The following ARHGEF28 variants were observed in gnomAD, a reference collection of about 807,000 sequenced individuals.
The protein encoded by ARHGEF28 is 190 kDa guanine nucleotide exchange factor.
A neutral mutation model predicts 206.6 loss-of-function variants in ARHGEF28; 152 were observed. That is an observed-to-expected ratio of 0.74 (90% CI 0.64 to 0.84). The LOEUF is 0.84. Among genes scored for constraint, ARHGEF28 ranks in the 40% least tolerant of loss-of-function variants. ARHGEF28 has a pLI of 0.00. For missense variants in ARHGEF28, 2,028 were observed against 2,073.2 expected, an observed-to-expected ratio of 0.98 and a Z score of 0.42; for synonymous variants, 763 against 776.4, an observed-to-expected ratio of 0.98 and a Z score of 0.29.
chr5:73,815,549 A>G (rs866329569), intron 9 of ARHGEF28, among the ~76,000 whole-genome samples: 18 of 152,206 alleles, frequency 1.2e-4, no homozygotes, highest in Admixed American at 1.3e-4. Flanking sequence ...TCTCTGTGTC[A>G]ATTCTAACCC....
In ARHGEF28 at chr5:73,894,389, A is replaced by G; in HGVS notation, c.3659-4A>G. ...AATCTTCTATGGTAAATACTATTTCATAGAAATACTCACTAACCAAGACCA... is the reference window on the plus strand; with the variant it reads ...AATCTTCTATGGTAAATACTATTTCGTAGAAATACTCACTAACCAAGACCA... On this transcript the variant is annotated splice_polypyrimidine_tract_variant and splice_region_variant and intron_variant, in intron 28 of 35. Coordinates refer to ENST00000513042, the MANE Select transcript of ARHGEF28 (RefSeq NM_001177693.2). 6.3e-7 allele frequency: 1 copy of G among 1,599,024 alleles called. No homozygotes were observed. Among genetic ancestry groups the G allele is most frequent in the Non-Finnish European group, 8.5e-7 (1 of 1,169,794 alleles).
intron 20 of ARHGEF28, among the ~76,000 whole-genome samples, chr5:73,869,642 C>A (rs1580011512): frequency 6.6e-6 from 1 of 152,280 alleles, no homozygotes; most frequent in South Asian, 2.1e-4. Flanking sequence ...CACGGTGGCT[C>A]AGGCCTGTAA....
chr5:73,728,343 C>T (rs1051967790), intron 2 of ARHGEF28, among the ~76,000 whole-genome samples: 1 of 152,176 alleles, frequency 6.6e-6, no homozygotes, highest in African/African-American at 2.4e-5. Flanking sequence ...CAACTGGTGG[C>T]TTCCCTTTGT....
At chr5:73,759,013 C>G (rs969743843) in intron 4 of ARHGEF28, among the ~76,000 whole-genome samples, 7 of 152,184 alleles carry the variant, frequency 4.6e-5, no homozygotes, top group African/African-American at 1.4e-4. Flanking sequence ...TTTTGGAACT[C>G]TTCTATAGGA....
intron 1 of ARHGEF28, among the ~76,000 whole-genome samples, chr5:73,673,273 T>G (rs1476588618): frequency 6.6e-6 from 1 of 152,212 alleles, no homozygotes; most frequent in Non-Finnish European, 1.5e-5. Context: ...AATGCAATTA[T>G]AAGCCTACAT....
At chr5:73,885,795 G>T in intron 24 of ARHGEF28, 55 bp from the exon 25 acceptor site, 3 of 1,515,356 alleles carry the variant, frequency 2.0e-6, no homozygotes, top group Non-Finnish European at 2.7e-6. Context: ...TTCTTCCTTA[G>T]TACTCTGGTT....
At chr5:73,688,696 C>T (rs568040470) in intron 2 of ARHGEF28, among the ~76,000 whole-genome samples, 37 of 152,180 alleles carry the variant, frequency 2.4e-4, no homozygotes, top group African/African-American at 8.7e-4. Flanking sequence ...CTCACTCTGT[C>T]TCCAGGCTGG....
chr5:73,668,699 A>G (rs1411509046), intron 1 of ARHGEF28, among the ~76,000 whole-genome samples: 2 of 134,786 alleles, frequency 1.5e-5, no homozygotes, highest in Non-Finnish European at 3.2e-5. Flanking sequence ...AAATGCAGAC[A>G]AAAGAGAGAG....
At chr5:73,924,260 T>C (rs1434804590) in intron 35 of ARHGEF28, among the ~76,000 whole-genome samples, 2 of 152,228 alleles carry the variant, frequency 1.3e-5, no homozygotes, top group Admixed American at 1.3e-4. Flanking sequence ...ACAATGGAGA[T>C]GACAGGCTGG....
chr5:73,842,723 A>G (rs1758060416), intron 11 of ARHGEF28, among the ~76,000 whole-genome samples: 1 of 152,206 alleles, frequency 6.6e-6, no homozygotes, highest in African/African-American at 2.4e-5. Context: ...TCACACCTGC[A>G]ATCCCCGTAC....
chr5:73,834,350 A>C (rs1757475813), intron 10 of ARHGEF28, among the ~76,000 whole-genome samples: 1 of 152,122 alleles, frequency 6.6e-6, no homozygotes, highest in African/African-American at 2.4e-5. Context: ...CCCACCCTCC[A>C]ACCCCTAGTA....
At chr5:73,877,397 A>G (rs1375212988) in intron 22 of ARHGEF28, among the ~76,000 whole-genome samples, 1 of 149,358 alleles carries the variant, frequency 6.7e-6, no homozygotes, top group African/African-American at 2.5e-5. Flanking sequence ...AATTTTTTGA[A>G]GGGTTTTTTG....
At chr5:73,884,735 G>A (rs879563449) in intron 24 of ARHGEF28, among the ~76,000 whole-genome samples, 1 of 150,326 alleles carries the variant, frequency 6.7e-6, no homozygotes, top group Non-Finnish European at 1.5e-5. Context: ...TTCAGTTCCA[G>A]TTGCCTTAAT....
At chr5:73,631,729 CCAGTT>C (rs1743376713) in intron 1 of ARHGEF28, among the ~76,000 whole-genome samples, 2 of 152,186 alleles carry the variant, frequency 1.3e-5, no homozygotes, top group Non-Finnish European at 2.9e-5. Flanking sequence ...TGTGAACTCT[CCAGTT>C]CTGTTAGCCA....
chr5:73,926,779 A>T (rs748594497), intron 35 of ARHGEF28, among the ~76,000 whole-genome samples: 1 of 152,218 alleles, frequency 6.6e-6, no homozygotes, highest in African/African-American at 2.4e-5. Flanking sequence ...GACAATGTTC[A>T]TTAGCCACTT....
intron 6 of ARHGEF28, among the ~76,000 whole-genome samples, chr5:73,778,776 C>A (rs1225467632): frequency 6.6e-6 from 1 of 152,112 alleles, no homozygotes; most frequent in Non-Finnish European, 1.5e-5. Context: ...TATAGGTTGT[C>A]CACACTGAAG....
At chr5:73,885,306 C>T (rs1374757615) in intron 24 of ARHGEF28, among the ~76,000 whole-genome samples, 1 of 152,000 alleles carries the variant, frequency 6.6e-6, no homozygotes, top group Non-Finnish European at 1.5e-5. Flanking sequence ...TAACACATTT[C>T]CTGCCCTAGG....
At chr5:73,830,548 A>G (rs1420852249) in intron 9 of ARHGEF28, among the ~76,000 whole-genome samples, 2 of 126,762 alleles carry the variant, frequency 1.6e-5, no homozygotes, top group Non-Finnish European at 3.3e-5. Flanking sequence ...GCGAAACTCC[A>G]TCTCAAAAAA....
intron 1 of ARHGEF28, among the ~76,000 whole-genome samples, chr5:73,654,998 T>C (rs1745094050): frequency 6.6e-6 from 1 of 152,216 alleles, no homozygotes; most frequent in Non-Finnish European, 1.5e-5. Context: ...AATACTAATG[T>C]AAAATCTCAT....
Sources: gnomAD v4.1 joint callset for allele counts (sites outside exome capture counted in the v4.1 genomes callset) on GRCh38, gnomAD v4.1.1 for gene constraint, MANE v1.5 for transcripts, NCBI Gene and HGNC (gene_info 2026-07-23, HGNC 2026-07-21) for gene names.